Variants in BNIP2 observed in about 807,000 individuals in gnomAD.
The protein encoded by BNIP2 is BCL2/adenovirus E1B 19 kDa protein-interacting protein 2.
In BNIP2, 36 loss-of-function variants were observed where a neutral mutation model predicts 43.4. The ratio of observed to expected loss-of-function variants is 0.83; its 90% CI spans 0.64 to 1.10. The LOEUF is 1.10. Ranked by LOEUF, BNIP2 falls within the 50% of genes least tolerant of loss-of-function variation. The pLI is 0.00. For missense variants in BNIP2, 417 were observed against 374.1 expected (o/e 1.11, Z -0.95); for synonymous variants, 146 against 121.0 (o/e 1.21, Z -1.35).
In BNIP2 at chr15:59,662,474, G is replaced by A. The variant is rs1892329346; in HGVS notation, c.*1595C>T. 2 of 152,218 alleles carry A rather than the reference G, an allele frequency of 1.3e-5. No homozygotes were observed. The highest frequency in any genetic ancestry group is 4.8e-5 in the African/African-American group (2 of 41,450). The allele number at this position is 152,218 out of a possible 1,614,324, so 9.4% of individuals were successfully genotyped here. A position where few individuals can be genotyped will look rare whatever the true frequency, so the allele number is the denominator to read the frequency against. ...TTAAGTCAGGAGGCTGCTGAGGAATGTTTCATCCTGGGAATCCTCCAGCAT... is the reference window on the plus strand; with the variant it reads ...TTAAGTCAGGAGGCTGCTGAGGAATATTTCATCCTGGGAATCCTCCAGCAT... On this transcript the variant is annotated 3_prime_UTR_variant, in exon 10 of 10. Transcript: ENST00000607373.
At position 59,664,097 on chromosome 15, in the gene BNIP2, TTTCCATTAAG is replaced by T. The variant is rs1273272659; in HGVS notation, c.907_916del (p.Leu303AsnfsTer14). The T allele has an allele frequency of 6.5e-7, 1 of 1,549,658 alleles. No individual in the cohort carries two copies. Among genetic ancestry groups the T allele is most frequent in the Admixed American group, 2.0e-5 (1 of 50,772 alleles). On this transcript the variant is annotated frameshift_variant, in exon 10 of 10. Transcript: ENST00000607373. LOFTEE classifies it high-confidence loss of function. ...CTGTTCATTTTTCGGTTCATCTTGTTTTCCATTAAGTTCTTGATCAACTCTGTTTAATGAA... is the reference window on the plus strand; with the variant it reads ...CTGTTCATTTTTCGGTTCATCTTGTTTTCTTGATCAACTCTGTTTAATGAA...
chr15:59,689,085 C>T (rs1319695224), intron 1 of BNIP2, 50 bp downstream of exon 1: 4 of 1,513,042 alleles, frequency 2.6e-6, no homozygotes, highest in Non-Finnish European at 3.5e-6. Context: ...AGGCCGGTTC[C>T]CAGTCCAGCT....
Position 59,680,243 on chromosome 15 carries a change from G to A in BNIP2, c.116C>T (p.Pro39Leu). The change falls in exon 3 of 10, where the codon CCT (proline) becomes CTT (leucine). Residue 39 changes from proline to leucine, a missense_variant and splice_region_variant. Transcript: ENST00000607373. ...GAAAGTAAGTGTCAAGCTCTTACCA[G>A]GCTGGTCCTCTGGTCCAGTTATAGC... ...ILAITGPEDQPGSLEVNGNKV... is the reference protein window; with the variant it reads ...ILAITGPEDQLGSLEVNGNKV... 1 of 1,587,866 alleles carries A rather than the reference G, an allele frequency of 6.3e-7. No individual in the cohort carries two copies. Among genetic ancestry groups the A allele is most frequent in the Non-Finnish European group, 8.6e-7 (1 of 1,164,756 alleles).
intron 5 of BNIP2, among the ~76,000 whole-genome samples, chr15:59,675,478 C>T (rs1015510194): frequency 1.3e-5 from 2 of 151,704 alleles, no homozygotes; most frequent in African/African-American, 4.8e-5. Flanking sequence ...GGCATGGTGG[C>T]GTGCACCTGT....
chr15:59,669,379 A>T lies in BNIP2; in HGVS notation c.708-17T>A, dbSNP rs1892762697. 1 of 1,399,602 alleles carries T rather than the reference A, an allele frequency of 7.1e-7. No homozygotes were observed. Among genetic ancestry groups the T allele is most frequent in the Admixed American group, 2.4e-5 (1 of 41,548 alleles). The allele number at this position is 1,399,602 out of a possible 1,614,324, so 86.7% of individuals were successfully genotyped here. On this transcript the variant is annotated splice_polypyrimidine_tract_variant and intron_variant, in intron 7 of 9. Coordinates refer to ENST00000607373, the MANE Select transcript of BNIP2 (RefSeq NM_004330.4). ...TTCCGTAACCTGGAGTTTAAAAAAA[A>T]AACACACACACACAAAGAAAATTAA...
intron 9 of BNIP2, 41 bp downstream of exon 9, chr15:59,668,851 G>A: frequency 6.6e-7 from 1 of 1,512,408 alleles, no homozygotes; most frequent in East Asian, 2.3e-5. Context: ...ACATCAAAAT[G>A]TTAAGATCCA....
chr15:59,669,242 A>T, intron 8 of BNIP2, 34 bp downstream of exon 8: 1 of 1,419,722 alleles, frequency 7.0e-7, no homozygotes, highest in Non-Finnish European at 9.6e-7. Context: ...AAATAAAAAA[A>T]ATAAAATTAA....
intron 7 of BNIP2, among the ~76,000 whole-genome samples, 165 bp from the exon 8 acceptor site, chr15:59,669,527 G>A (rs6151562): frequency 0.024 from 3,689 of 152,280 alleles, 59 homozygotes; most frequent in Non-Finnish European, 0.037. Context: ...AAATTCTTAT[G>A]GTCCCTCCTA....
intron 7 of BNIP2, among the ~76,000 whole-genome samples, chr15:59,669,590 G>A (rs1892777945): frequency 1.3e-5 from 2 of 152,196 alleles, no homozygotes. Context: ...CCACAGTATA[G>A]CCTGTTACTA....
intron 1 of BNIP2, 132 bp from the exon 2 acceptor site, chr15:59,682,646 G>GACAA: frequency 1.5e-6 from 1 of 673,392 alleles, no homozygotes. Flanking sequence ...TCATTTACAG[G>GACAA]GTTGCAATTT....
intron 1 of BNIP2, 118 bp downstream of exon 1, chr15:59,689,017 T>C (rs897201949): frequency 2.8e-6 from 4 of 1,448,182 alleles, no homozygotes; most frequent in Non-Finnish European, 3.6e-6. Flanking sequence ...CAAGGGTAAC[T>C]CTCTGGGTTT....
rs1187417159 is a variant in BNIP2, at chr15:59,664,057, TA to T, written c.*11del. ...GCACATTCTTCAGTCTTGTTTGGAC[TA>T]GATGCCAAACTTACTGTTCATTTTT... On this transcript the variant is annotated 3_prime_UTR_variant, in exon 10 of 10. Transcript: ENST00000607373. 6.5e-7 allele frequency: 1 copy of T among 1,542,868 alleles called. No individual in the cohort carries two copies. The highest frequency in any genetic ancestry group is 8.8e-7 in the Non-Finnish European group (1 of 1,140,702).
intron 1 of BNIP2, 40 bp from the exon 2 acceptor site, chr15:59,682,554 AC>A: frequency 1.3e-6 from 2 of 1,515,266 alleles, no homozygotes; most frequent in Admixed American, 1.9e-5. Flanking sequence ...TTTCCACTTT[AC>A]TTTTTATCCA....
chr15:59,676,918 A>G, intron 5 of BNIP2: 1 of 1,606,930 alleles, frequency 6.2e-7, no homozygotes, highest in South Asian at 1.1e-5. Flanking sequence ...CAGCCTACGG[A>G]CTCTTCACCC....
In BNIP2 at chr15:59,672,745, A is replaced by G; in HGVS notation, c.473-6T>C. 6.2e-7 allele frequency: 1 copy of G among 1,608,498 alleles called. No individual in the cohort carries two copies. Among genetic ancestry groups the G allele is most frequent in the Non-Finnish European group, 8.5e-7 (1 of 1,175,292 alleles). On this transcript the variant is annotated splice_region_variant and splice_polypyrimidine_tract_variant and intron_variant, in intron 5 of 9. Coordinates refer to ENST00000607373, the MANE Select transcript of BNIP2 (RefSeq NM_004330.4). ...TAATCCATCCCCATAATATCCTAAA[A>G]AAGAAACCAAAGACAGTATCACCAG...
Position 59,678,046 on chromosome 15 carries a change from C to T in BNIP2, c.337G>A (p.Gly113Ser). 2 of 1,613,530 alleles carry T rather than the reference C, an allele frequency of 1.2e-6. No homozygotes were observed. Among genetic ancestry groups the T allele is most frequent in the Non-Finnish European group, 1.7e-6 (2 of 1,179,750 alleles). Residue 113 changes from glycine (G) to serine (S), a missense_variant, in exon 5 of 10, where the codon GGC (glycine) becomes AGC (serine). Physicochemically the swap from Gly to Ser is moderately conservative, Grantham distance 56. Coordinates refer to ENST00000607373, the MANE Select transcript of BNIP2 (RefSeq NM_004330.4). ...GCTGCTGTGTATTCAGTAATTGAGCCTTTCCTAATTACTTCAGTAGTCTTG... is the reference window on the plus strand; with the variant it reads ...GCTGCTGTGTATTCAGTAATTGAGCTTTTCCTAATTACTTCAGTAGTCTTG... Reference protein sequence around the residue: ...KPKTTEVIRKGSITEYTAAEE... With the variant: ...KPKTTEVIRKSSITEYTAAEE...
intron 1 of BNIP2, among the ~76,000 whole-genome samples, chr15:59,682,998 T>A (rs566108005): frequency 6.6e-6 from 1 of 152,340 alleles, no homozygotes; most frequent in African/African-American, 2.4e-5. Context: ...TCCTTCTCAA[T>A]AGTTTGATGC....
intron 1 of BNIP2, chr15:59,688,832 G>C (rs1356188436): frequency 6.5e-7 from 1 of 1,531,370 alleles, no homozygotes; most frequent in African/African-American, 1.4e-5. Context: ...GTAAAAGGGT[G>C]GGGGAGCGGA....
At chr15:59,673,378 T>G (rs1232753751) in intron 5 of BNIP2, among the ~76,000 whole-genome samples, 10 of 151,686 alleles carry the variant, frequency 6.6e-5, no homozygotes, top group African/African-American at 2.4e-4. Context: ...CCTCCCACAG[T>G]GCTGGGATTA....
Sources: allele counts gnomAD v4.1 joint callset (sites outside exome capture counted in the v4.1 genomes callset), GRCh38; gene constraint gnomAD v4.1.1; transcripts MANE v1.5; gene names NCBI Gene and HGNC (gene_info 2026-07-23, HGNC 2026-07-21).